The following HACL2 variants were observed in gnomAD, a reference collection of about 807,000 sequenced individuals.
HACL2 encodes 2-hydroxyacyl-CoA lyase 1 like.
At chr19:15,125,258 T>A in the HACL2 span, 1 of 618,590 alleles carries the variant, frequency 1.6e-6, no homozygotes, top group Non-Finnish European at 2.8e-6. Context: ...TGCCTCTCCG[T>A]GACAAGGTCA....
the HACL2 span, chr19:15,115,957 T>A: frequency 6.2e-7 from 1 of 1,614,032 alleles, no homozygotes; most frequent in Non-Finnish European, 8.5e-7. Flanking sequence ...TTAGGGTGGA[T>A]CAGGACCTAG....
At chr19:15,118,021 G>A in the HACL2 span, 2 of 1,613,916 alleles carry the variant, frequency 1.2e-6, no homozygotes, top group Non-Finnish European at 1.7e-6. Context: ...AGTTCCTGGT[G>A]TGGGGGACAG....
the HACL2 span, chr19:15,125,057 C>T: frequency 1.3e-6 from 2 of 1,549,048 alleles, no homozygotes; most frequent in Non-Finnish European, 1.7e-6. Context: ...CGGGGGTCTC[C>T]ATGAGGTGGT....
At chr19:15,123,856 C>G in the HACL2 span, 1 of 504,196 alleles carries the variant, frequency 2.0e-6, no homozygotes, top group Non-Finnish European at 3.5e-6. The surrounding 1 kb of genome is among the most constrained non-coding windows in gnomAD (Gnocchi z 5.1). Flanking sequence ...CTCTTAAGTG[C>G]CCCACTGTTA....
At chr19:15,119,983 T>C in the HACL2 span, 1 of 1,546,760 alleles carries the variant, frequency 6.5e-7, no homozygotes, top group Non-Finnish European at 8.7e-7. Flanking sequence ...GCAATTCACC[T>C]GCTGCGGGGA....
chr19:15,116,108 C>T, the HACL2 span: 40 of 1,613,184 alleles, frequency 2.5e-5, no homozygotes, highest in Non-Finnish European at 3.1e-5. Context: ...TGAAGGCGTC[C>T]TGATGGATGG....
At chr19:15,120,913 TAG>T in the HACL2 span, among the ~76,000 whole-genome samples, 349 of 151,750 alleles carry the variant, frequency 2.3e-3, no homozygotes, top group African/African-American at 7.9e-3. Context: ...GCCTGGGTGA[TAG>T]AGTGAGGCCC....
the HACL2 span, chr19:15,119,069 G>T: frequency 7.4e-7 from 1 of 1,343,512 alleles, no homozygotes. Context: ...AAGTACAATA[G>T]GTGCCCACTA....
chr19:15,120,027 G>C, the HACL2 span: 1,516 of 1,550,730 alleles, frequency 9.8e-4, 18 homozygotes, highest in African/African-American at 0.019. Flanking sequence ...GCGGTCCCTC[G>C]GGCTGAGGCT....
the HACL2 span, among the ~76,000 whole-genome samples, chr19:15,122,195 G>A: frequency 2.9e-4 from 44 of 152,086 alleles, no homozygotes; most frequent in African/African-American, 9.2e-4. The surrounding 1 kb of genome is among the most constrained non-coding windows in gnomAD (Gnocchi z 4.0). Context: ...GAGAGCCACC[G>A]CACCCGGCCT....
chr19:15,119,201 G>C, the HACL2 span: 4 of 1,599,708 alleles, frequency 2.5e-6, no homozygotes, highest in South Asian at 4.5e-5. Context: ...CTTCAGGGCC[G>C]CACTGCGGTT....
the HACL2 span, chr19:15,119,918 TCAGGGGGCCCTCTC>T: frequency 9.0e-7 from 1 of 1,110,194 alleles, no homozygotes; most frequent in Admixed American, 2.7e-5. Flanking sequence ...AGGGAGAGGG[TCAGGGGGCCCTCTC>T]CCCTCAGGGA....
chr19:15,115,746 T>C, the HACL2 span: 4 of 1,569,640 alleles, frequency 2.5e-6, no homozygotes, highest in African/African-American at 5.4e-5. Context: ...GAGACAGGGA[T>C]AGGGCCTCTG....
chr19:15,123,923 C>A, the HACL2 span: 1 of 298,214 alleles, frequency 3.4e-6, no homozygotes, highest in East Asian at 6.9e-5. This position sits in a 1 kb window ranked among gnomAD's most constrained non-coding sequence, Gnocchi z 5.1. Flanking sequence ...GGTTATATAA[C>A]CCAGGGGGTT....
the HACL2 span, chr19:15,119,924 G>T: frequency 8.7e-7 from 1 of 1,151,024 alleles, no homozygotes; most frequent in Non-Finnish European, 1.2e-6. Context: ...AGGGTCAGGG[G>T]GCCCTCTCCC....
At chr19:15,116,683 A>G in the HACL2 span, 13 of 606,242 alleles carry the variant, frequency 2.1e-5, no homozygotes, top group African/African-American at 2.4e-4. Context: ...AACACCCCAG[A>G]ACCTGCCAGA....
chr19:15,119,102 A>G, the HACL2 span: 2 of 1,494,168 alleles, frequency 1.3e-6, no homozygotes, highest in Non-Finnish European at 1.8e-6. Flanking sequence ...CCTTCGTGTG[A>G]AGCTGGGTAA....
the HACL2 span, among the ~76,000 whole-genome samples, chr19:15,122,042 C>T: frequency 1.2e-4 from 17 of 147,036 alleles, no homozygotes; most frequent in East Asian, 1.5e-3. This position sits in a 1 kb window ranked among gnomAD's most constrained non-coding sequence, Gnocchi z 4.0. Flanking sequence ...GGACTACAGG[C>T]GCCCGCCACC....
chr19:15,123,218 T>C, the HACL2 span: 1 of 1,613,850 alleles, frequency 6.2e-7, no homozygotes, highest in South Asian at 1.1e-5. This position sits in a 1 kb window ranked among gnomAD's most constrained non-coding sequence, Gnocchi z 5.1. Flanking sequence ...CAGGGCCTGC[T>C]GTCACTGCCG....
Sources: gnomAD v4.1 joint callset for allele counts (sites outside exome capture counted in the v4.1 genomes callset) on GRCh38, gnomAD v4.1.1 for gene constraint, Gnocchi (gnomAD v3.1) non-coding constraint, MANE v1.5 for transcripts, NCBI Gene and HGNC (gene_info 2026-07-23, HGNC 2026-07-21) for gene names.